CDH13: variants seen among roughly 807,000 people sequenced by gnomAD.
CDH13 encodes the protein cadherin-13.
CDH13 carries 24 observed loss-of-function variants against 63.8 expected under a neutral mutation model. The observed-to-expected ratio is 0.38, with a 90% CI of 0.27 to 0.53. The LOEUF (loss-of-function observed/expected upper bound fraction) is 0.53, where lower values mean the gene tolerates loss of function less well. Ranked by LOEUF, CDH13 falls within the 20% of genes least tolerant of loss-of-function variation. The pLI, the probability that CDH13 is intolerant of heterozygous loss-of-function variation, is 0.85. For missense variants in CDH13, 1,049 were observed against 903.1 expected (o/e 1.16, Z -2.07); for synonymous variants, 503 against 355.3 (o/e 1.42, Z -4.67).
At chr16:83,652,358 AGT>A (rs1250845556) in intron 8 of CDH13, among the ~76,000 whole-genome samples, 7 of 152,172 alleles carry the variant, frequency 4.6e-5, no homozygotes, top group Admixed American at 4.6e-4. Flanking sequence ...AGCCTAACCA[AGT>A]GTGTCAATCT....
At chr16:83,425,720 C>T (rs2071873161) in intron 6 of CDH13, among the ~76,000 whole-genome samples, 1 of 151,888 alleles carries the variant, frequency 6.6e-6, no homozygotes, top group East Asian at 2.0e-4. Flanking sequence ...CTGCAGTGTT[C>T]AAATATGAAT....
At chr16:83,667,506 A>T (rs1159339066) in intron 8 of CDH13, among the ~76,000 whole-genome samples, 1 of 151,984 alleles carries the variant, frequency 6.6e-6, no homozygotes, top group Non-Finnish European at 1.5e-5. Flanking sequence ...CCATCTTCAG[A>T]CCTGCTCATG....
At chr16:82,925,761 C>T (rs781144424) in intron 2 of CDH13, among the ~76,000 whole-genome samples, 3 of 152,192 alleles carry the variant, frequency 2.0e-5, no homozygotes, top group Non-Finnish European at 4.4e-5. Context: ...TGCTAGCTCT[C>T]GCACCCTCTC....
At chr16:83,454,346 A>C (rs892991902) in intron 6 of CDH13, among the ~76,000 whole-genome samples, 2 of 152,224 alleles carry the variant, frequency 1.3e-5, no homozygotes, top group Non-Finnish European at 2.9e-5. Context: ...AAAGAAATCA[A>C]AGTGACAGTT....
At chr16:83,701,297 C>A (rs1039285007) in intron 10 of CDH13, among the ~76,000 whole-genome samples, 1 of 152,194 alleles carries the variant, frequency 6.6e-6, no homozygotes, top group African/African-American at 2.4e-5. Flanking sequence ...ATGGGGCCAT[C>A]GGGTGGCTGC....
At chr16:83,147,130 T>C (rs1452219448) in intron 4 of CDH13, among the ~76,000 whole-genome samples, 1 of 152,142 alleles carries the variant, frequency 6.6e-6, no homozygotes, top group African/African-American at 2.4e-5. Context: ...GGTGGAGCGA[T>C]AGCATAGTGT....
chr16:82,695,081 G>A (rs866216482), intron 1 of CDH13, among the ~76,000 whole-genome samples: 2 of 152,062 alleles, frequency 1.3e-5, no homozygotes, highest in East Asian at 1.9e-4. Context: ...CCTGTCGGCT[G>A]GAGGAAGGGC....
intron 2 of CDH13, among the ~76,000 whole-genome samples, chr16:82,974,182 T>C (rs1462808432): frequency 6.6e-6 from 1 of 152,134 alleles, no homozygotes; most frequent in East Asian, 1.9e-4. Context: ...CAAGTGATGC[T>C]CCCACCTCGG....
intron 1 of CDH13, among the ~76,000 whole-genome samples, chr16:82,715,626 C>G (rs965158345): frequency 6.6e-6 from 1 of 152,070 alleles, no homozygotes; most frequent in African/African-American, 2.4e-5. Flanking sequence ...CTAATCCTTC[C>G]TCAAATACAC....
chr16:82,709,233 C>G (rs1193127769), intron 1 of CDH13, among the ~76,000 whole-genome samples: 1 of 152,190 alleles, frequency 6.6e-6, no homozygotes, highest in Non-Finnish European at 1.5e-5. Context: ...TCCCACTTTA[C>G]ATGGACATTA....
intron 2 of CDH13, among the ~76,000 whole-genome samples, chr16:82,899,626 T>G (rs1201532398): frequency 1.3e-5 from 2 of 152,118 alleles, no homozygotes; most frequent in African/African-American, 4.8e-5. Context: ...TTTGCGTGTT[T>G]TGGAGTATGC....
chr16:83,127,735 A>C (rs2035874656), intron 4 of CDH13, among the ~76,000 whole-genome samples: 1 of 152,122 alleles, frequency 6.6e-6, no homozygotes, highest in South Asian at 2.1e-4. Context: ...TCAAACAAAC[A>C]CACAAACAAA....
At chr16:82,890,609 A>G (rs1282472091) in intron 2 of CDH13, among the ~76,000 whole-genome samples, 6 of 151,260 alleles carry the variant, frequency 4.0e-5, no homozygotes, top group Non-Finnish European at 8.8e-5. Flanking sequence ...GTTGTCCTAC[A>G]TAGTCTTCAT....
chr16:83,167,632 T>C (rs1017782156), intron 4 of CDH13, among the ~76,000 whole-genome samples: 4 of 151,982 alleles, frequency 2.6e-5, no homozygotes, highest in Admixed American at 6.6e-5. Flanking sequence ...AGACCCTTTC[T>C]CTCTTTTCCC....
Position 83,418,798 on chromosome 16 carries a change from C to T in CDH13, c.782-67679C>T, listed in dbSNP as rs189927144. Reference sequence around the variant, plus strand: ...GACAGCAGGAAAGACAGGAGAAGACCTAGAGTTCAACTTGGAGTACTGAAA... The same window carrying T: ...GACAGCAGGAAAGACAGGAGAAGACTTAGAGTTCAACTTGGAGTACTGAAA... On this transcript the variant is annotated intron_variant, in intron 6 of 13. Transcript: ENST00000567109. 1.7e-3 allele frequency among the ~76,000 whole-genome samples: 262 copies of T among 152,212 alleles called. 2 individuals are homozygous for T. Among genetic ancestry groups the T allele is most frequent in the Middle Eastern group, 0.017 (5 of 294 alleles).
chr16:83,643,971 C>T (rs760824012), intron 8 of CDH13, among the ~76,000 whole-genome samples: 14 of 152,182 alleles, frequency 9.2e-5, no homozygotes, highest in Admixed American at 4.6e-4. Context: ...TTTGAGGAAC[C>T]TGCATGTGGT....
chr16:82,849,020 T>G (rs547766065), intron 1 of CDH13, among the ~76,000 whole-genome samples: 11 of 152,258 alleles, frequency 7.2e-5, no homozygotes, highest in African/African-American at 2.4e-4. Context: ...GGAGAAAGTT[T>G]TAGTGGTCTG....
At chr16:82,688,189 C>T (rs899849783) in intron 1 of CDH13, among the ~76,000 whole-genome samples, 3 of 152,140 alleles carry the variant, frequency 2.0e-5, no homozygotes, top group South Asian at 2.1e-4. Context: ...CAAGAGATCT[C>T]GTCCAACACT....
chr16:83,792,108 C>T (rs917320253), intron 13 of CDH13, among the ~76,000 whole-genome samples: 2 of 152,070 alleles, frequency 1.3e-5, no homozygotes, highest in Admixed American at 6.5e-5. Context: ...CTTTCTATTG[C>T]GAAACGTATT....
Sources: gnomAD v4.1 joint callset for allele counts (sites outside exome capture counted in the v4.1 genomes callset) on GRCh38, gnomAD v4.1.1 for gene constraint, MANE v1.5 for transcripts, NCBI Gene and HGNC (gene_info 2026-07-23, HGNC 2026-07-21) for gene names.